The following MSRA variants were observed in gnomAD, a reference collection of about 807,000 sequenced individuals.
The protein encoded by MSRA is mitochondrial peptide methionine sulfoxide reductase.
Under a neutral mutation model 31.3 loss-of-function variants are expected in MSRA, and 54 were observed. The ratio of observed to expected loss-of-function variants is 1.73; its 90% CI spans 1.39 to 2.17. The LOEUF (loss-of-function observed/expected upper bound fraction) is 2.17, where lower values mean the gene tolerates loss of function less well. Ranked by LOEUF, MSRA falls within the 30% of genes most tolerant of loss-of-function variation. The pLI, the probability that MSRA is intolerant of heterozygous loss-of-function variation, is 0.00. For synonymous variants in MSRA, 169 were observed against 116.5 expected, an observed-to-expected ratio of 1.45 and a Z score of -2.90; for missense variants, 507 against 300.9, an observed-to-expected ratio of 1.69 and a Z score of -5.07.
chr8:10,376,608 A>C (rs1477741969), intron 5 of MSRA, among the ~76,000 whole-genome samples: 1 of 152,214 alleles, frequency 6.6e-6, no homozygotes, highest in African/African-American at 2.4e-5. Context: ...GACACACAGT[A>C]AGTGCTTAAT....
At chr8:10,366,182 A>C (rs1251257459) in intron 5 of MSRA, among the ~76,000 whole-genome samples, 1 of 152,170 alleles carries the variant, frequency 6.6e-6, no homozygotes, top group East Asian at 1.9e-4. Flanking sequence ...GATTTTTTGA[A>C]AGAGAGAAAG....
At chr8:10,073,222 A>G (rs368446836) in intron 1 of MSRA, among the ~76,000 whole-genome samples, 4 of 152,336 alleles carry the variant, frequency 2.6e-5, no homozygotes, top group South Asian at 2.1e-4. Context: ...GCCTTTCACT[A>G]AACTATCACA....
intron 1 of MSRA, among the ~76,000 whole-genome samples, chr8:10,076,953 G>A (rs192228871): frequency 4.0e-5 from 6 of 151,578 alleles, no homozygotes; most frequent in African/African-American, 9.7e-5. Context: ...GGCTTAATAC[G>A]TAGGTAATGG....
At chr8:10,068,144 A>C (rs988979563) in intron 1 of MSRA, among the ~76,000 whole-genome samples, 10 of 152,212 alleles carry the variant, frequency 6.6e-5, no homozygotes, top group Middle Eastern at 6.8e-3. Flanking sequence ...TTGGTCTCTC[A>C]AAGTGCTGAG....
intron 3 of MSRA, among the ~76,000 whole-genome samples, chr8:10,282,504 C>G (rs999739159): frequency 2.0e-5 from 3 of 152,214 alleles, no homozygotes; most frequent in African/African-American, 7.2e-5. Flanking sequence ...ATTGTGGGGA[C>G]AGGTGTCCAT....
intron 3 of MSRA, among the ~76,000 whole-genome samples, chr8:10,298,285 C>G (rs1263064113): frequency 6.6e-6 from 1 of 152,096 alleles, no homozygotes; most frequent in African/African-American, 2.4e-5. Context: ...GAATATTATT[C>G]AGCCCTAAAA....
intron 5 of MSRA, among the ~76,000 whole-genome samples, chr8:10,320,952 C>T (rs1341019106): frequency 8.5e-5 from 13 of 152,202 alleles, no homozygotes; most frequent in Non-Finnish European, 5.9e-5. Context: ...TGTAAAGACC[C>T]GTTCTCCAAG....
At chr8:10,323,964 T>C (rs1366763261) in intron 5 of MSRA, among the ~76,000 whole-genome samples, 2 of 152,250 alleles carry the variant, frequency 1.3e-5, no homozygotes, top group Non-Finnish European at 2.9e-5. Flanking sequence ...ATCTCTTTTA[T>C]GGTTTTGCAT....
chr8:10,244,217 T>C (rs1259894974), intron 2 of MSRA, among the ~76,000 whole-genome samples: 1 of 152,162 alleles, frequency 6.6e-6, no homozygotes, highest in Non-Finnish European at 1.5e-5. Context: ...GCAGTAATCT[T>C]TTTTACATCT....
chr8:10,238,434 A>C (rs1812133462), intron 2 of MSRA, among the ~76,000 whole-genome samples: 1 of 152,230 alleles, frequency 6.6e-6, no homozygotes, highest in East Asian at 1.9e-4. Context: ...TATACACACT[A>C]AACAGGGTAG....
chr8:10,220,729 G>A (rs1810414681), intron 2 of MSRA, among the ~76,000 whole-genome samples: 1 of 152,172 alleles, frequency 6.6e-6, no homozygotes, highest in Non-Finnish European at 1.5e-5. Context: ...TGGATTCAGT[G>A]CTTGGTGACA....
rs115834510 is a variant in MSRA, at chr8:10,393,462, G to T, written c.544-34686G>T. ...AAGGATGCCATCTTGAAGGAAATTGGCACAAACATTCTATGGCTGACACAG... is the reference window on the plus strand; with the variant it reads ...AAGGATGCCATCTTGAAGGAAATTGTCACAAACATTCTATGGCTGACACAG... On this transcript the variant is annotated intron_variant, in intron 5 of 5. Transcript: ENST00000317173. Among the ~76,000 whole-genome samples the T allele has an allele frequency of 6.1e-3, 932 of 152,278 alleles. 7 individuals are homozygous for T. Among genetic ancestry groups the T allele is most frequent in the African/African-American group, 0.021 (891 of 41,546 alleles).
rs1317038145 is a variant in MSRA, at chr8:10,322,223, T to C, written c.543+2234T>C. On this transcript the variant is annotated intron_variant, in intron 5 of 5. Coordinates refer to ENST00000317173, the MANE Select transcript of MSRA (RefSeq NM_012331.5). ...TATGAGGATGAGGGAGACCCCATTA[T>C]CCCCATTTTCCAGATGCTCAAAGAG... is the stretch of plus-strand genomic sequence containing the variant. Among the ~76,000 whole-genome samples the C allele has an allele frequency of 5.9e-5, 6 of 102,398 alleles. No homozygotes were observed. The East Asian group carries it at 1.5e-3, about 26-fold the overall frequency. The allele number at this position is 102,398 out of a possible 152,430, so 67.2% of individuals were successfully genotyped here. A position where few individuals can be genotyped will look rare whatever the true frequency, so the allele number is the denominator to read the frequency against.
chr8:10,180,771 G>C (rs756455379), intron 1 of MSRA, among the ~76,000 whole-genome samples: 27 of 152,102 alleles, frequency 1.8e-4, no homozygotes, highest in Non-Finnish European at 2.9e-4. Context: ...TGGAAATTGT[G>C]GTTTAGTTTA....
chr8:10,076,870 GC>G (rs889766085), intron 1 of MSRA, among the ~76,000 whole-genome samples: 18 of 152,108 alleles, frequency 1.2e-4, no homozygotes, highest in African/African-American at 3.9e-4. Context: ...AGGATGGGGG[GC>G]TGGGGAAGAG....
At chr8:10,320,524 G>T (rs1801990837) in intron 5 of MSRA, among the ~76,000 whole-genome samples, 1 of 152,142 alleles carries the variant, frequency 6.6e-6, no homozygotes, top group African/African-American at 2.4e-5. Context: ...CACTCATCTA[G>T]ATGAAGACAC....
rs142486770 is a variant in MSRA at position 10,293,503 on chromosome 8, G to A, written c.332-8031G>A. Among the ~76,000 whole-genome samples, 104 of 152,330 alleles carry A rather than the reference G, an allele frequency of 6.8e-4. 1 individual carries two copies. Among genetic ancestry groups the A allele is most frequent in the African/African-American group, 2.4e-3 (100 of 41,568 alleles). ...CTCCTCCAGACATCTGCATCTCTGAGCATCTTAGCCTGGGCCTCAGTCCAG... is the reference window on the plus strand; with the variant it reads ...CTCCTCCAGACATCTGCATCTCTGAACATCTTAGCCTGGGCCTCAGTCCAG... On this transcript the variant is annotated intron_variant, in intron 3 of 5. Transcript: ENST00000317173.
chr8:10,111,693 T>G (rs573120243), intron 1 of MSRA, among the ~76,000 whole-genome samples: 2 of 152,342 alleles, frequency 1.3e-5, no homozygotes, highest in East Asian at 3.9e-4. Flanking sequence ...TGGGCTAGTA[T>G]TGCATGAGAA....
rs113458156 is a variant in MSRA, at chr8:10,232,997, G to A, written c.212-12107G>A. 9.3e-3 allele frequency among the ~76,000 whole-genome samples: 1,416 copies of A among 152,312 alleles called. 28 individuals are homozygous for A. Among genetic ancestry groups the A allele is most frequent in the Admixed American group, 0.05 (765 of 15,304 alleles). On this transcript the variant is annotated intron_variant, in intron 2 of 5. Coordinates refer to ENST00000317173, the MANE Select transcript of MSRA (RefSeq NM_012331.5). ...TACGGAATGTAGATGTCCTTCAGAAGTTCCTAGGGGAGGTGGTGGTGGTGA... is the reference window on the plus strand; with the variant it reads ...TACGGAATGTAGATGTCCTTCAGAAATTCCTAGGGGAGGTGGTGGTGGTGA...
Sources: allele counts gnomAD v4.1 joint callset (sites outside exome capture counted in the v4.1 genomes callset), GRCh38; gene constraint gnomAD v4.1.1; transcripts MANE v1.5; gene names NCBI Gene and HGNC (gene_info 2026-07-23, HGNC 2026-07-21).